Variants in HIPK2 observed in about 807,000 individuals in gnomAD.
HIPK2 encodes the protein homeodomain interacting protein kinase 2, also known as homeodomain-interacting protein kinase 2.
HIPK2 carries 27 observed loss-of-function variants against 113.7 expected under a neutral mutation model. The ratio of observed to expected loss-of-function variants is 0.24; its 90% CI spans 0.17 to 0.33. HIPK2 has a LOEUF of 0.33. Among genes scored for constraint, HIPK2 ranks in the 10% least tolerant of loss-of-function variants. The pLI is 1.00. For missense variants in HIPK2, 1,257 were observed against 1,588.0 expected (o/e 0.79, Z 3.54); for synonymous variants, 631 against 642.2 (o/e 0.98, Z 0.26).
At chr7:139,637,856 C>A (rs1290552303) in intron 2 of HIPK2, among the ~76,000 whole-genome samples, 3 of 152,084 alleles carry the variant, frequency 2.0e-5, no homozygotes, top group Non-Finnish European at 4.4e-5. Flanking sequence ...GGATTTAGCC[C>A]AAGGAGGAGC....
intron 1 of HIPK2, among the ~76,000 whole-genome samples, chr7:139,764,759 C>T (rs1345635212): frequency 7.9e-5 from 12 of 151,936 alleles, no homozygotes; most frequent in Non-Finnish European, 1.5e-5. Context: ...ACAGCAGGGC[C>T]CAGGCCTGAG....
intron 2 of HIPK2, among the ~76,000 whole-genome samples, chr7:139,655,429 C>CAGTT (rs1801630842): frequency 1.3e-5 from 2 of 152,338 alleles, no homozygotes; most frequent in African/African-American, 2.4e-5. Context: ...CTGCTGCCTG[C>CAGTT]AGTTCTGCAG....
chr7:139,651,360 T>TA (rs1422386838), intron 2 of HIPK2, among the ~76,000 whole-genome samples: 1 of 152,168 alleles, frequency 6.6e-6, no homozygotes, highest in Non-Finnish European at 1.5e-5. Context: ...CCTGCATAGA[T>TA]ATTAAATTTT....
At chr7:139,750,895 C>T (rs556888093) in intron 1 of HIPK2, among the ~76,000 whole-genome samples, 11 of 152,258 alleles carry the variant, frequency 7.2e-5, no homozygotes, top group Admixed American at 3.3e-4. Flanking sequence ...CAAGAATGAC[C>T]GCAGCGACCA....
intron 1 of HIPK2, among the ~76,000 whole-genome samples, chr7:139,718,382 T>TC (rs1293216157): frequency 6.6e-6 from 1 of 152,168 alleles, no homozygotes; most frequent in Non-Finnish European, 1.5e-5. Flanking sequence ...TCCTTTCCAC[T>TC]CCATCAACCA....
At position 139,630,340 on chromosome 7, in the gene HIPK2, TA is replaced by T. The variant is rs1238377103; in HGVS notation, c.1347+824del. Among the ~76,000 whole-genome samples, 2 of 152,080 alleles carry T rather than the reference TA, an allele frequency of 1.3e-5. No homozygotes were observed. The highest frequency in any genetic ancestry group is 3.9e-4 in the East Asian group (2 of 5,182). On this transcript the variant is annotated intron_variant, in intron 4 of 14. Coordinates refer to ENST00000406875, the MANE Select transcript of HIPK2 (RefSeq NM_022740.5). This position sits in a 1 kb window ranked among gnomAD's most constrained non-coding sequence, Gnocchi z 4.0. ...CTCCTTTGCCTGGAACCCCTCTCCC[TA>T]ACCCCCATCACCCCAGCCGCCACCC...
In HIPK2 at chr7:139,563,972, G is replaced by A. The variant is rs896004324; in HGVS notation, c.*8955C>T. 3 of 398,504 alleles carry A rather than the reference G, an allele frequency of 7.5e-6. No individual in the cohort carries two copies. Among genetic ancestry groups the A allele is most frequent in the Non-Finnish European group, 1.3e-5 (3 of 226,046 alleles). 24.7% of individuals were successfully genotyped at this position (398,504 alleles called of 1,614,324 possible). Reference sequence around the variant, plus strand: ...CCAGTCTGTTTCTGCATGACAGTGGGGCCCATTCCTGTCTCGAAGCATCTT... The same window carrying A: ...CCAGTCTGTTTCTGCATGACAGTGGAGCCCATTCCTGTCTCGAAGCATCTT... On this transcript the variant is annotated 3_prime_UTR_variant, in exon 15 of 15. Coordinates refer to ENST00000406875, the MANE Select transcript of HIPK2 (RefSeq NM_022740.5).
At chr7:139,606,615 ACATGCTTATACCAC>A (rs952628668) in intron 9 of HIPK2, among the ~76,000 whole-genome samples, 3 of 152,210 alleles carry the variant, frequency 2.0e-5, no homozygotes, top group Admixed American at 1.3e-4. Flanking sequence ...TCCTTGGTGT[ACATGCTTATACCAC>A]CCTCCACTCC....
intron 4 of HIPK2, among the ~76,000 whole-genome samples, chr7:139,629,508 A>G (rs961256981): frequency 9.2e-5 from 14 of 152,318 alleles, no homozygotes; most frequent in African/African-American, 3.1e-4. Context: ...ATTAGGTAGC[A>G]CAGTTACTAT....
At chr7:139,746,254 C>T (rs1355080661) in intron 1 of HIPK2, among the ~76,000 whole-genome samples, 1 of 152,230 alleles carries the variant, frequency 6.6e-6, no homozygotes, top group East Asian at 1.9e-4. Flanking sequence ...GGGCCTTGTG[C>T]ACCCCTGTGT....
At chr7:139,669,768 AT>A (rs1196165976) in intron 2 of HIPK2, among the ~76,000 whole-genome samples, 1 of 152,252 alleles carries the variant, frequency 6.6e-6, no homozygotes, top group Non-Finnish European at 1.5e-5. Context: ...TTATCATGGA[AT>A]AAAAAGATTA....
At chr7:139,603,574 G>A (rs148014916) in intron 10 of HIPK2, among the ~76,000 whole-genome samples, 116 of 152,238 alleles carry the variant, frequency 7.6e-4, no homozygotes, top group African/African-American at 2.6e-3. Flanking sequence ...CAGCAAACAT[G>A]CCAGCATTTA....
At chr7:139,619,583 C>G (rs1388082819) in intron 7 of HIPK2, among the ~76,000 whole-genome samples, 3 of 152,148 alleles carry the variant, frequency 2.0e-5, no homozygotes, top group Non-Finnish European at 4.4e-5. Flanking sequence ...TGGTGACAGG[C>G]TGATGAACTG....
At chr7:139,723,496 C>A (rs1157635165) in intron 1 of HIPK2, among the ~76,000 whole-genome samples, 2 of 152,190 alleles carry the variant, frequency 1.3e-5, no homozygotes, top group East Asian at 3.8e-4. Flanking sequence ...ACCCAGCCAA[C>A]TCACACAGTT....
chr7:139,722,272 T>C (rs1795434435), intron 1 of HIPK2, among the ~76,000 whole-genome samples: 1 of 152,222 alleles, frequency 6.6e-6, no homozygotes, highest in Non-Finnish European at 1.5e-5. Flanking sequence ...ATGCTATAGT[T>C]AGAAGAATTA....
chr7:139,583,699 G>A (rs752681787), intron 13 of HIPK2, 118 bp downstream of exon 13: 80 of 1,434,458 alleles, frequency 5.6e-5, no homozygotes, highest in Non-Finnish European at 7.0e-5. Context: ...AGGGTCGCCT[G>A]CAGTCACTGG....
intron 2 of HIPK2, among the ~76,000 whole-genome samples, chr7:139,656,010 C>G (rs947967557): frequency 2.0e-5 from 3 of 152,128 alleles, no homozygotes; most frequent in African/African-American, 7.2e-5. Context: ...GATAACTGAC[C>G]CTGTTGACCT....
chr7:139,694,031 A>G (rs1469786355), intron 2 of HIPK2, among the ~76,000 whole-genome samples: 1 of 152,218 alleles, frequency 6.6e-6, no homozygotes, highest in Non-Finnish European at 1.5e-5. Context: ...AGAAACTTGG[A>G]ACTGCAAAAG....
intron 2 of HIPK2, among the ~76,000 whole-genome samples, chr7:139,641,368 CAAAA>C (rs1404225110): frequency 1.1e-5 from 1 of 88,220 alleles, no homozygotes. Flanking sequence ...GACTCAGTCT[CAAAA>C]AAAAAAAAAA....
Sources: gnomAD v4.1 joint callset for allele counts (sites outside exome capture counted in the v4.1 genomes callset) on GRCh38, gnomAD v4.1.1 for gene constraint, Gnocchi (gnomAD v3.1) non-coding constraint, MANE v1.5 for transcripts, NCBI Gene and HGNC (gene_info 2026-07-23, HGNC 2026-07-21) for gene names.